Variants in THSD7B observed in about 807,000 individuals in gnomAD.
THSD7B encodes the protein thrombospondin type-1 domain-containing protein 7B.
In THSD7B, 138 loss-of-function variants were observed where a neutral mutation model predicts 213.6. The observed-to-expected ratio is 0.65, with a 90% CI of 0.56 to 0.74. THSD7B has a LOEUF of 0.74. Among genes scored for constraint, THSD7B ranks in the 30% least tolerant of loss-of-function variants. The pLI, the probability that THSD7B is intolerant of heterozygous loss-of-function variation, is 0.00. For synonymous variants in THSD7B, 742 were observed against 687.0 expected, an observed-to-expected ratio of 1.08 and a Z score of -1.25; for missense variants, 1,931 against 1,991.5, an observed-to-expected ratio of 0.97 and a Z score of 0.58.
At chr2:136,814,698 T>C (rs920200551) in intron 1 of THSD7B, among the ~76,000 whole-genome samples, 6 of 152,176 alleles carry the variant, frequency 3.9e-5, no homozygotes, top group Non-Finnish European at 5.9e-5. Context: ...TGCCTTAGTA[T>C]ATAATTTTTT....
intron 27 of THSD7B, among the ~76,000 whole-genome samples, chr2:137,675,629 T>G (rs2104835141): frequency 6.6e-6 from 1 of 152,084 alleles, no homozygotes; most frequent in Non-Finnish European, 1.5e-5. Flanking sequence ...TTTTGAGAGA[T>G]TTTGTGTAAA....
intron 12 of THSD7B, among the ~76,000 whole-genome samples, chr2:137,322,092 T>C (rs796391216): frequency 5.0e-4 from 76 of 152,034 alleles, no homozygotes; most frequent in African/African-American, 1.8e-3. Context: ...GGTTGTCAAG[T>C]GTTAATACCA....
intron 7 of THSD7B, among the ~76,000 whole-genome samples, chr2:137,229,691 A>C (rs188038117): frequency 8.8e-4 from 134 of 152,242 alleles, no homozygotes; most frequent in Admixed American, 6.0e-3. Flanking sequence ...TTTCAGAGTC[A>C]GAGGGTTCGG....
At chr2:137,231,716 G>A (rs1681643870) in intron 8 of THSD7B, among the ~76,000 whole-genome samples, 1 of 152,214 alleles carries the variant, frequency 6.6e-6, no homozygotes, top group Admixed American at 6.5e-5. Flanking sequence ...CATTCTGCAG[G>A]AGGGGGGCAC....
chr2:137,091,778 T>C (rs576477736), intron 3 of THSD7B, among the ~76,000 whole-genome samples: 2 of 152,266 alleles, frequency 1.3e-5, no homozygotes, highest in South Asian at 2.1e-4. Context: ...CAAATAAGTT[T>C]GCAATCTGAG....
chr2:136,983,377 A>ACACACACACACACACACACACACACT (rs1342830898), intron 2 of THSD7B, among the ~76,000 whole-genome samples: 2 of 146,302 alleles, frequency 1.4e-5, no homozygotes, highest in African/African-American at 2.7e-5. Flanking sequence ...ACACGCACAC[A>ACACACACACACACACACACACACACT]CACTCACTCT....
chr2:137,034,383 C>T lies in THSD7B; in HGVS notation c.140-22037C>T, dbSNP rs74632356. 1.3e-3 allele frequency among the ~76,000 whole-genome samples: 205 copies of T among 152,092 alleles called. 2 individuals are homozygous for T. In the East Asian group the frequency reaches 0.032, roughly 24 times the overall value. On this transcript the variant is annotated intron_variant, in intron 2 of 27. Coordinates refer to ENST00000409968, the MANE Select transcript of THSD7B (RefSeq NM_001316349.2). ...CCTCCCAAAGTGCTGGGATTACAAG[C>T]GTGAGCCACCACACCCAGCCAAATT...
intron 14 of THSD7B, among the ~76,000 whole-genome samples, chr2:137,438,390 G>A (rs1489565499): frequency 2.0e-5 from 3 of 152,192 alleles, no homozygotes; most frequent in Admixed American, 6.5e-5. Context: ...CTTATGCAAT[G>A]GGTACTGTTA....
intron 15 of THSD7B, among the ~76,000 whole-genome samples, chr2:137,471,389 A>G (rs1278412234): frequency 6.6e-6 from 1 of 152,164 alleles, no homozygotes; most frequent in Non-Finnish European, 1.5e-5. Flanking sequence ...TTCTGCCTTG[A>G]CAAATACACC....
chr2:137,128,569 A>G (rs1688668261), intron 5 of THSD7B, among the ~76,000 whole-genome samples: 2 of 152,194 alleles, frequency 1.3e-5, no homozygotes, highest in Admixed American at 1.3e-4. Context: ...AGATTGATAT[A>G]ACCCAATATT....
intron 12 of THSD7B, among the ~76,000 whole-genome samples, chr2:137,348,339 A>G (rs1157623849): frequency 6.6e-6 from 1 of 151,786 alleles, no homozygotes; most frequent in East Asian, 1.9e-4. Context: ...CTGCAAGGCC[A>G]GATGTTCATA....
chr2:136,805,708 G>A (rs1285925902), intron 1 of THSD7B, among the ~76,000 whole-genome samples: 1 of 152,154 alleles, frequency 6.6e-6, no homozygotes, highest in Non-Finnish European at 1.5e-5. Context: ...AGTAGGGGAG[G>A]GGCTGGGAGA....
intron 14 of THSD7B, among the ~76,000 whole-genome samples, chr2:137,429,563 AAATT>A (rs1226376014): frequency 7.9e-5 from 12 of 152,320 alleles, no homozygotes; most frequent in Non-Finnish European, 5.9e-5. Context: ...ATAGACGTGT[AAATT>A]AATTAAATGT....
chr2:136,942,342 T>C (rs1684842415), intron 2 of THSD7B, among the ~76,000 whole-genome samples: 1 of 152,188 alleles, frequency 6.6e-6, no homozygotes. Flanking sequence ...TCTTTTTTGG[T>C]TCCATATGAA....
chr2:137,050,613 A>C (rs2104871034), intron 2 of THSD7B, among the ~76,000 whole-genome samples: 1 of 152,314 alleles, frequency 6.6e-6, no homozygotes, highest in African/African-American at 2.4e-5. Context: ...ATCATGAACT[A>C]CCTTTATAAG....
chr2:137,183,800 G>GCA (rs1440904678), intron 7 of THSD7B, among the ~76,000 whole-genome samples: 1 of 151,976 alleles, frequency 6.6e-6, no homozygotes, highest in African/African-American at 2.4e-5. Context: ...GAACATCTAT[G>GCA]GAAAATCAAT....
At chr2:137,467,787 T>TA (rs1275832969) in intron 15 of THSD7B, among the ~76,000 whole-genome samples, 2 of 152,158 alleles carry the variant, frequency 1.3e-5, no homozygotes, top group Non-Finnish European at 2.9e-5. Context: ...CCTTGACACT[T>TA]ACATTTTTGG....
At chr2:136,909,878 A>G (rs561510825) in intron 2 of THSD7B, among the ~76,000 whole-genome samples, 4 of 152,054 alleles carry the variant, frequency 2.6e-5, no homozygotes, top group South Asian at 2.1e-4. Context: ...TTTCTTTACT[A>G]TTTCCTTAGG....
chr2:137,272,594 C>T lies in THSD7B; in HGVS notation c.2328C>T (p.Gly776=). Reference sequence around the variant, plus strand: ...TCATCCAAGAAGCAGCCAATGGAGGCCAGGAATGCCCAGATACCTTATATG... The same window carrying T: ...TCATCCAAGAAGCAGCCAATGGAGGTCAGGAATGCCCAGATACCTTATATG... ...RIIIQEAANG[G]QECPDTLYEE... The change falls in exon 11 of 28, where the codon GGC becomes GGT. Residue 776 remains glycine (G), a synonymous_variant. Transcript: ENST00000409968. 6.2e-7 allele frequency: 1 copy of T among 1,612,038 alleles called. No homozygotes were observed. The highest frequency in any genetic ancestry group is 1.3e-5 in the African/African-American group (1 of 74,924).
Sources: gnomAD v4.1 joint callset for allele counts (sites outside exome capture counted in the v4.1 genomes callset) on GRCh38, gnomAD v4.1.1 for gene constraint, MANE v1.5 for transcripts, NCBI Gene and HGNC (gene_info 2026-07-23, HGNC 2026-07-21) for gene names.